ABRAXAS2: variants seen among roughly 807,000 people sequenced by gnomAD.
ABRAXAS2 encodes BRISC complex subunit Abraxas 2.
ABRAXAS2 carries 23 observed loss-of-function variants against 49.0 expected under a neutral mutation model. That is an observed-to-expected ratio of 0.47 (90% confidence interval 0.34 to 0.66). The LOEUF is 0.66. Ranked by LOEUF, ABRAXAS2 falls within the 30% of genes least tolerant of loss-of-function variation. The pLI is 0.01. For synonymous variants in ABRAXAS2, 168 were observed against 180.2 expected (o/e 0.93, Z 0.54); for missense variants, 443 against 511.9 (o/e 0.87, Z 1.30).
At chr10:124,819,553 A>C in intron 4 of ABRAXAS2, 103 bp downstream of exon 4, 2 of 1,117,302 alleles carry the variant, frequency 1.8e-6, no homozygotes, top group Non-Finnish European at 2.6e-6. Flanking sequence ...ATTTCATGTT[A>C]ATATGTAAAA....
At chr10:124,821,945 T>C (rs1403931811) in intron 4 of ABRAXAS2, among the ~76,000 whole-genome samples, 1 of 152,238 alleles carries the variant, frequency 6.6e-6, no homozygotes, top group Admixed American at 6.5e-5. Flanking sequence ...TCACGTGTAT[T>C]GATACATTTA....
intron 4 of ABRAXAS2, among the ~76,000 whole-genome samples, chr10:124,826,118 T>C (rs892862047): frequency 1.3e-5 from 2 of 152,272 alleles, no homozygotes; most frequent in Non-Finnish European, 2.9e-5. Flanking sequence ...CTCAAATGTA[T>C]GCTCTTAGAA....
At chr10:124,809,506 G>A (rs1442166608) in intron 2 of ABRAXAS2, among the ~76,000 whole-genome samples, 3 of 151,568 alleles carry the variant, frequency 2.0e-5, no homozygotes, top group East Asian at 3.9e-4. Context: ...GGCTAGTCTC[G>A]AACTCGTGGC....
intron 2 of ABRAXAS2, 125 bp downstream of exon 2, chr10:124,807,046 C>A (rs973618495): frequency 1.5e-6 from 1 of 681,930 alleles, no homozygotes; most frequent in African/African-American, 1.8e-5. Context: ...GGCGCGGTGG[C>A]TCACGCCTGT....
At chr10:124,834,408 A>G (rs955874764) in intron 8 of ABRAXAS2, 94 bp from the exon 9 acceptor site, 4 of 1,054,394 alleles carry the variant, frequency 3.8e-6, no homozygotes, top group Admixed American at 5.3e-5. Context: ...CCTCACTGCT[A>G]TTTTCCAGAA....
At chr10:124,832,258 C>G (rs1025760187) in intron 8 of ABRAXAS2, among the ~76,000 whole-genome samples, 2 of 151,988 alleles carry the variant, frequency 1.3e-5, no homozygotes, top group African/African-American at 4.8e-5. Context: ...GTTTTGGTAG[C>G]CATGGATGAA....
intron 4 of ABRAXAS2, among the ~76,000 whole-genome samples, chr10:124,819,789 GAA>G (rs917451590): frequency 7.7e-6 from 1 of 129,588 alleles, no homozygotes; most frequent in African/African-American, 2.8e-5. Context: ...AAAAAAAAAA[GAA>G]AAAAAAAAAA....
At chr10:124,809,748 G>A (rs897793718) in intron 2 of ABRAXAS2, among the ~76,000 whole-genome samples, 6 of 150,922 alleles carry the variant, frequency 4.0e-5, no homozygotes, top group Non-Finnish European at 7.4e-5. Flanking sequence ...CAAACATTAT[G>A]AGATTTTTTT....
intron 2 of ABRAXAS2, among the ~76,000 whole-genome samples, chr10:124,810,303 A>G (rs1259151489): frequency 1.3e-5 from 2 of 152,124 alleles, no homozygotes; most frequent in Non-Finnish European, 2.9e-5. Flanking sequence ...AGGCAGGAGG[A>G]TGGCTTGAGG....
At chr10:124,815,678 C>T (rs748552389) in intron 2 of ABRAXAS2, among the ~76,000 whole-genome samples, 26 of 152,122 alleles carry the variant, frequency 1.7e-4, no homozygotes, top group Non-Finnish European at 3.7e-4. Flanking sequence ...AGAAATTGTT[C>T]GCTCTGCTTA....
chr10:124,826,526 G>A (rs550699214), intron 4 of ABRAXAS2, 69 bp from the exon 5 acceptor site: 5 of 1,471,930 alleles, frequency 3.4e-6, no homozygotes, highest in Admixed American at 1.8e-5. Context: ...TTGTGCATGT[G>A]TGTTTGTATG....
chr10:124,818,966 C>A (rs561490670), intron 3 of ABRAXAS2, among the ~76,000 whole-genome samples: 1 of 152,318 alleles, frequency 6.6e-6, no homozygotes, highest in South Asian at 2.1e-4. Flanking sequence ...ATGAAACAAC[C>A]TGAGAAAGTA....
intron 1 of ABRAXAS2, among the ~76,000 whole-genome samples, chr10:124,802,691 C>T (rs11245369): frequency 0.038 from 5,741 of 152,200 alleles, 384 homozygotes; most frequent in African/African-American, 0.13. Context: ...GATCACTTCT[C>T]TCTTAAAGGA....
At chr10:124,823,271 G>A (rs1476746330) in intron 4 of ABRAXAS2, among the ~76,000 whole-genome samples, 3 of 152,056 alleles carry the variant, frequency 2.0e-5, no homozygotes, top group East Asian at 3.8e-4. Flanking sequence ...CCTAGGATAA[G>A]TACAAAATTT....
intron 2 of ABRAXAS2, 144 bp downstream of exon 2, chr10:124,807,065 C>G: frequency 1.8e-6 from 1 of 564,578 alleles, no homozygotes; most frequent in Non-Finnish European, 3.1e-6. Context: ...GTAATCCCAG[C>G]ACTTTGGGAG....
intron 2 of ABRAXAS2, among the ~76,000 whole-genome samples, chr10:124,810,362 C>T (rs1950779048): frequency 6.6e-6 from 1 of 152,164 alleles, no homozygotes; most frequent in South Asian, 2.1e-4. Flanking sequence ...CCTGTCTCTA[C>T]AAGAAATTTT....
At chr10:124,819,702 C>T (rs540502565) in intron 4 of ABRAXAS2, among the ~76,000 whole-genome samples, 3 of 151,030 alleles carry the variant, frequency 2.0e-5, no homozygotes, top group East Asian at 1.9e-4. Context: ...AGAACCCTGG[C>T]GGCAGAGGTT....
intron 1 of ABRAXAS2, among the ~76,000 whole-genome samples, chr10:124,802,173 C>T (rs1375592472): frequency 1.3e-5 from 2 of 152,236 alleles, no homozygotes; most frequent in African/African-American, 4.8e-5. Context: ...CCCACCTGGC[C>T]TCCTGCAGTG....
chr10:124,817,258 T>A (rs767396578), intron 3 of ABRAXAS2, among the ~76,000 whole-genome samples: 4 of 152,022 alleles, frequency 2.6e-5, no homozygotes, highest in Non-Finnish European at 4.4e-5. Context: ...TATACACCAA[T>A]GCCATATTAT....
Sources: gnomAD v4.1 joint callset for allele counts (sites outside exome capture counted in the v4.1 genomes callset) on GRCh38, gnomAD v4.1.1 for gene constraint, MANE v1.5 for transcripts, NCBI Gene and HGNC (gene_info 2026-07-23, HGNC 2026-07-21) for gene names.